Variants in PCDHA7 observed in about 807,000 individuals in gnomAD.
PCDHA7 encodes the protein protocadherin alpha 7.
PCDHA7 carries 37 observed loss-of-function variants against 57.2 expected under a neutral mutation model. That is an observed-to-expected ratio of 0.65 (90% CI 0.50 to 0.85). The LOEUF (loss-of-function observed/expected upper bound fraction) is 0.85, where lower values mean the gene tolerates loss of function less well. Among genes scored for constraint, PCDHA7 ranks in the 40% least tolerant of loss-of-function variants. The pLI, the probability that PCDHA7 is intolerant of heterozygous loss-of-function variation, is 0.00. For missense variants in PCDHA7, 1,188 were observed against 1,241.8 expected (o/e 0.96, Z 0.65); for synonymous variants, 553 against 558.8 (o/e 0.99, Z 0.15).
chr5:140,957,113 G>A (rs1554222808), intron 1 of PCDHA7, among the ~76,000 whole-genome samples: 2 of 152,086 alleles, frequency 1.3e-5, no homozygotes, highest in Admixed American at 6.6e-5. Flanking sequence ...ACATGATTCT[G>A]TGTGTTTCTT....
intron 1 of PCDHA7, chr5:140,842,724 A>G (rs2150343018): frequency 6.3e-7 from 1 of 1,594,394 alleles, no homozygotes; most frequent in Admixed American, 1.7e-5. Flanking sequence ...AAGGAGAACA[A>G]CCCGCCGGGC....
At chr5:140,887,192 G>A (rs2061344460) in intron 1 of PCDHA7, among the ~76,000 whole-genome samples, 1 of 151,802 alleles carries the variant, frequency 6.6e-6, no homozygotes, top group African/African-American at 2.4e-5. Flanking sequence ...CACCTCCCGG[G>A]TTCACGCCAT....
chr5:140,976,244 A>G (rs996854178), intron 1 of PCDHA7, among the ~76,000 whole-genome samples: 1 of 152,160 alleles, frequency 6.6e-6, no homozygotes, highest in Non-Finnish European at 1.5e-5. Context: ...CATTTCATGT[A>G]AATTTATTTA....
rs1382379376 is a variant in PCDHA7, at chr5:140,858,936, T to A, written c.2355+22198T>A. On this transcript the variant is annotated intron_variant, in intron 1 of 3. Transcript: ENST00000525929. ...TATACTGCCATAGTAGATTTCAATG[T>A]TCAGTGATTACAGCTTTTTCTCAAT... The A allele has an allele frequency of 1.2e-5, 2 of 160,734 alleles. 1 individual carries two copies. Among genetic ancestry groups the A allele is most frequent in the Non-Finnish European group, 2.7e-5 (2 of 74,452 alleles). The allele number at this position is 160,734 out of a possible 1,614,324, so 10.0% of individuals were successfully genotyped here.
intron 1 of PCDHA7, among the ~76,000 whole-genome samples, chr5:140,970,841 C>T (rs782138970): frequency 2.0e-5 from 3 of 150,352 alleles, no homozygotes; most frequent in African/African-American, 7.5e-5. Context: ...ATGTAATGCA[C>T]AGGCACAAAA....
intron 1 of PCDHA7, chr5:140,855,849 C>T: frequency 7.5e-6 from 5 of 665,166 alleles, no homozygotes; most frequent in Non-Finnish European, 1.2e-5. Flanking sequence ...CCTAAAGCCA[C>T]CGGATGTCGC....
intron 1 of PCDHA7, among the ~76,000 whole-genome samples, chr5:140,978,124 G>A (rs1554239035): frequency 6.6e-6 from 1 of 152,140 alleles, no homozygotes; most frequent in East Asian, 1.9e-4. Context: ...GTCTTTAGGT[G>A]CCCATATTTT....
intron 1 of PCDHA7, among the ~76,000 whole-genome samples, chr5:140,914,381 T>C (rs192645626): frequency 1.7e-4 from 26 of 152,352 alleles, no homozygotes; most frequent in Admixed American, 2.6e-4. Flanking sequence ...TTATCTGTTA[T>C]AAGTGTAGTT....
rs2150327556 is a variant in PCDHA7, at chr5:140,842,022, A to G, written c.2355+5284A>G. On this transcript the variant is annotated intron_variant, in intron 1 of 3. Transcript: ENST00000525929. Reference sequence around the variant, plus strand: ...GTTCAGCTGCTGGTCACAGTGCTGGATGTGAATGATAATGCTCCCACTTTC... The same window carrying G: ...GTTCAGCTGCTGGTCACAGTGCTGGGTGTGAATGATAATGCTCCCACTTTC... 11 of 1,613,848 alleles carry G rather than the reference A, an allele frequency of 6.8e-6. No homozygotes were observed. The highest frequency in any genetic ancestry group is 3.3e-5 in the Admixed American group (2 of 60,004).
At position 140,834,545 on chromosome 5, in the gene PCDHA7, G is replaced by T. The variant is rs2150220681; in HGVS notation, c.162G>T (p.Leu54=). ...GCCGCATCGCGCAGGACCTGGGGCT[G>T]GAGCTGGCGGAGCTGGTGCCGCGCC... ...FVGRIAQDLG[L]ELAELVPRLF... is the part of the protein sequence containing the mutation. The change falls in exon 1 of 4, where the codon CTG becomes CTT. Residue 54 remains leucine (L), a synonymous_variant. Coordinates refer to ENST00000525929, the MANE Select transcript of PCDHA7 (RefSeq NM_018910.3). 1 of 1,614,088 alleles carries T rather than the reference G, an allele frequency of 6.2e-7. No homozygotes were observed. Among genetic ancestry groups the T allele is most frequent in the South Asian group, 1.1e-5 (1 of 91,076 alleles).
At chr5:140,844,072 C>T (rs1779214774) in intron 1 of PCDHA7, among the ~76,000 whole-genome samples, 1 of 149,460 alleles carries the variant, frequency 6.7e-6, no homozygotes, top group African/African-American at 2.5e-5. Context: ...TTCTTTTGTC[C>T]TTAGGCACTG....
At chr5:140,904,015 A>G (rs1374371306) in intron 1 of PCDHA7, among the ~76,000 whole-genome samples, 1 of 152,234 alleles carries the variant, frequency 6.6e-6, no homozygotes, top group Non-Finnish European at 1.5e-5. Context: ...ACTTTAAAAA[A>G]TAATGGTATA....
At chr5:140,884,498 G>C in intron 1 of PCDHA7, 5 of 1,614,076 alleles carry the variant, frequency 3.1e-6, no homozygotes, top group Non-Finnish European at 4.2e-6. Context: ...GTGCTCCAGC[G>C]CGGCAGGGAG....
At chr5:140,850,587 G>A in intron 1 of PCDHA7, 1 of 1,598,490 alleles carries the variant, frequency 6.3e-7, no homozygotes, top group South Asian at 1.1e-5. Flanking sequence ...GGATGTCAAC[G>A]TGTACCTGAT....
intron 3 of PCDHA7, among the ~76,000 whole-genome samples, chr5:140,987,213 CAA>C (rs58319157): frequency 9.3e-5 from 11 of 118,826 alleles, no homozygotes; most frequent in African/African-American, 1.6e-4. Flanking sequence ...GACTCCATCT[CAA>C]AAAAAAAAAA....
chr5:140,885,638 A>C (rs1490773479), intron 1 of PCDHA7, among the ~76,000 whole-genome samples: 10 of 152,184 alleles, frequency 6.6e-5, no homozygotes, highest in Admixed American at 5.2e-4. Flanking sequence ...ATTGCCTTCC[A>C]AGTATTTTGG....
chr5:140,858,157 C>T (rs782793736), intron 1 of PCDHA7: 2 of 1,597,628 alleles, frequency 1.3e-6, no homozygotes, highest in Admixed American at 1.7e-5. Flanking sequence ...TCGCCATCTG[C>T]GCGGTGTCCA....
intron 3 of PCDHA7, among the ~76,000 whole-genome samples, chr5:140,995,674 AT>A (rs1240189428): frequency 1.3e-5 from 2 of 151,994 alleles, no homozygotes; most frequent in Non-Finnish European, 2.9e-5. Flanking sequence ...TAAATGCAGC[AT>A]TTTTTTTAAT....
In PCDHA7 at chr5:140,972,718, C is replaced by T. The variant is rs921637217; in HGVS notation, c.2356-6231C>T. Among the ~76,000 whole-genome samples the T allele has an allele frequency of 9.2e-5, 13 of 142,004 alleles. No individual in the cohort carries two copies. In the East Asian group the frequency reaches 2.5e-3, roughly 27 times the overall value. The allele number at this position is 142,004 out of a possible 152,430, so 93.2% of individuals were successfully genotyped here. A position where few individuals can be genotyped will look rare whatever the true frequency, so the allele number is the denominator to read the frequency against. Reference sequence around the variant, plus strand: ...CTCACTCTGTTGCCAGGCTGGAGTGCAGTGGCGTAATCCCGGCTCACTGCA... The same window carrying T: ...CTCACTCTGTTGCCAGGCTGGAGTGTAGTGGCGTAATCCCGGCTCACTGCA... On this transcript the variant is annotated intron_variant, in intron 1 of 3. Coordinates refer to ENST00000525929, the MANE Select transcript of PCDHA7 (RefSeq NM_018910.3).
Sources: gnomAD v4.1 joint callset for allele counts (sites outside exome capture counted in the v4.1 genomes callset) on GRCh38, gnomAD v4.1.1 for gene constraint, MANE v1.5 for transcripts, NCBI Gene and HGNC (gene_info 2026-07-23, HGNC 2026-07-21) for gene names.